Variants in ENOX2 observed in about 807,000 individuals in gnomAD.
The protein encoded by ENOX2 is ecto-NOX disulfide-thiol exchanger 2, also known as APK1 antigen.
In ENOX2, 36 loss-of-function variants were observed where a neutral mutation model predicts 45.0. The observed-to-expected ratio is 0.80, with a 90% confidence interval of 0.61 to 1.06. ENOX2 has a LOEUF of 1.06. ENOX2 is among the 50% of genes least tolerant of loss of function. The pLI is 0.00. For synonymous variants in ENOX2, 174 were observed against 152.3 expected, an observed-to-expected ratio of 1.14 and a Z score of -1.05; for missense variants, 423 against 462.5, an observed-to-expected ratio of 0.91 and a Z score of 0.78.
intron 10 of ENOX2, among the ~76,000 whole-genome samples, chrX:130,649,645 G>T (rs776564455): frequency 2.5e-4 from 28 of 112,024 alleles, no homozygotes; most frequent in African/African-American, 9.1e-4. Context: ...CTTATAAAAA[G>T]ATCTTTGGCA....
chrX:130,880,493 C>A (rs187346493), intron 2 of ENOX2, among the ~76,000 whole-genome samples: 89 of 112,010 alleles, frequency 7.9e-4, no homozygotes, highest in South Asian at 1.9e-3. Flanking sequence ...CATTCCATTT[C>A]TGATCAACTT....
At chrX:130,867,797 T>C (rs1489083713) in intron 2 of ENOX2, among the ~76,000 whole-genome samples, 1 of 111,958 alleles carries the variant, frequency 8.9e-6, no homozygotes, top group Non-Finnish European at 1.9e-5. Flanking sequence ...CCATAGTTTG[T>C]CAGTTGTTCC....
intron 2 of ENOX2, among the ~76,000 whole-genome samples, chrX:130,798,375 G>A (rs749495108): frequency 1.4e-4 from 16 of 112,738 alleles, no homozygotes; most frequent in South Asian, 1.1e-3. Context: ...ATGAGTATTC[G>A]CTGTCCAAAG....
At chrX:130,730,793 A>G (rs1309302881) in intron 3 of ENOX2, among the ~76,000 whole-genome samples, 1 of 111,322 alleles carries the variant, frequency 9.0e-6, no homozygotes, top group Non-Finnish European at 1.9e-5. Flanking sequence ...TCCAGGTCAC[A>G]GGTAGATTTA....
intron 3 of ENOX2, among the ~76,000 whole-genome samples, chrX:130,708,936 A>G (rs1473906195): frequency 8.9e-6 from 1 of 112,458 alleles, no homozygotes; most frequent in Non-Finnish European, 1.9e-5. Context: ...GATAATACAA[A>G]AAATTCCCAA....
chrX:130,750,321 G>A lies in ENOX2; in HGVS notation c.-39+33226C>T, dbSNP rs183769140. ...CTTTGTCTCTTTTGTCTTTCTGTCAGTCTCTGTATGTGTCTCTTTTTGTTT... is the reference window on the plus strand; with the variant it reads ...CTTTGTCTCTTTTGTCTTTCTGTCAATCTCTGTATGTGTCTCTTTTTGTTT... On this transcript the variant is annotated intron_variant, in intron 3 of 14. Coordinates refer to ENST00000394363, the MANE Select transcript of ENOX2 (RefSeq NM_006375.4). Among the ~76,000 whole-genome samples, 66 of 110,170 alleles carry A rather than the reference G, an allele frequency of 6.0e-4. 1 individual carries two copies. Among genetic ancestry groups the A allele is most frequent in the Middle Eastern group, 9.3e-3 (2 of 216 alleles).
In ENOX2 at chrX:130,663,678, G is replaced by A. The variant is rs2036758859; in HGVS notation, c.1014+1965C>T. 4.5e-5 allele frequency among the ~76,000 whole-genome samples: 5 copies of A among 111,464 alleles called. No individual in the cohort carries two copies. The Admixed American group carries it at 4.8e-4, about 11-fold the overall frequency. ...CAGTCAACTTCTTCTAACCCAAAGA[G>A]GAGTTAGAAGTGTACGTGTATCAAA... On this transcript the variant is annotated intron_variant, in intron 9 of 14. Coordinates refer to ENST00000394363, the MANE Select transcript of ENOX2 (RefSeq NM_006375.4).
intron 2 of ENOX2, among the ~76,000 whole-genome samples, chrX:130,831,793 G>A (rs1174606563): frequency 1.8e-5 from 2 of 111,118 alleles, no homozygotes; most frequent in Non-Finnish European, 3.8e-5. Flanking sequence ...TGAGGGCAGC[G>A]ACCTTTGTAT....
At chrX:130,842,570 T>C (rs1487367951) in intron 2 of ENOX2, among the ~76,000 whole-genome samples, 1 of 111,817 alleles carries the variant, frequency 8.9e-6, no homozygotes, top group African/African-American at 3.3e-5. Flanking sequence ...CACAGTATTT[T>C]ACAACAACCC....
At chrX:130,722,004 T>C (rs1223726690) in intron 3 of ENOX2, among the ~76,000 whole-genome samples, 2 of 111,318 alleles carry the variant, frequency 1.8e-5, no homozygotes, top group Admixed American at 9.6e-5. Flanking sequence ...AGTGTAAGAG[T>C]CCATCTTTGG....
At chrX:130,847,279 C>A (rs918511278) in intron 2 of ENOX2, among the ~76,000 whole-genome samples, 7 of 110,449 alleles carry the variant, frequency 6.3e-5, no homozygotes, top group Non-Finnish European at 1.1e-4. Context: ...CTGAGACTGT[C>A]TGTGGTTGTC....
intron 3 of ENOX2, among the ~76,000 whole-genome samples, chrX:130,760,194 GC>G (rs1289319543): frequency 1.8e-5 from 2 of 111,461 alleles, no homozygotes; most frequent in Non-Finnish European, 3.8e-5. Flanking sequence ...AGTTCTAGGA[GC>G]TTTTTTGTTT....
intron 9 of ENOX2, among the ~76,000 whole-genome samples, chrX:130,659,739 C>T (rs774382261): frequency 2.7e-5 from 3 of 112,363 alleles, no homozygotes; most frequent in South Asian, 3.7e-4. Context: ...TCTCAATTCA[C>T]AAACATGTCA....
At position 130,622,898 on chromosome X, in the gene ENOX2, C is replaced by T. The variant is rs1398620495; in HGVS notation, c.*2416G>A. Among the ~76,000 whole-genome samples the T allele has an allele frequency of 1.8e-5, 2 of 110,988 alleles. No homozygotes were observed. The highest frequency in any genetic ancestry group is 1.9e-5 in the Non-Finnish European group (1 of 52,997). On this transcript the variant is annotated 3_prime_UTR_variant, in exon 15 of 15. Transcript: ENST00000394363. ...GCAAGTTAGAGATTTGTAGGGCAGG[C>T]CGGCAGGCTGGAAGTTCTGGCAGGA... is the stretch of plus-strand genomic sequence containing the variant.
intron 6 of ENOX2, among the ~76,000 whole-genome samples, chrX:130,674,062 A>G (rs1023495405): frequency 2.7e-5 from 3 of 112,139 alleles, no homozygotes; most frequent in African/African-American, 9.7e-5. Flanking sequence ...AAAATCAAAT[A>G]CCATGTGTTC....
At chrX:130,900,984 T>A (rs563449209) in intron 2 of ENOX2, among the ~76,000 whole-genome samples, 1 of 112,460 alleles carries the variant, frequency 8.9e-6, no homozygotes, top group East Asian at 2.8e-4. Context: ...CAAAGTGCTA[T>A]CAAGGTCCAA....
At chrX:130,634,429 C>A (rs2035873223) in intron 12 of ENOX2, among the ~76,000 whole-genome samples, 1 of 111,634 alleles carries the variant, frequency 9.0e-6, no homozygotes, top group African/African-American at 3.3e-5. Context: ...GCTGAGAGCT[C>A]TCAATTGATA....
chrX:130,778,075 C>T (rs1279886410), intron 3 of ENOX2, among the ~76,000 whole-genome samples: 1 of 111,642 alleles, frequency 9.0e-6, no homozygotes, highest in Non-Finnish European at 1.9e-5. Flanking sequence ...ACAATCAACG[C>T]TTTCATCTGT....
intron 2 of ENOX2, among the ~76,000 whole-genome samples, chrX:130,836,683 T>C (rs2077933402): frequency 8.9e-6 from 1 of 111,851 alleles, no homozygotes; most frequent in Non-Finnish European, 1.9e-5. Context: ...TAGCTGCCTT[T>C]CCAAAGCTCT....
Sources: gnomAD v4.1 joint callset for allele counts (sites outside exome capture counted in the v4.1 genomes callset) on GRCh38, gnomAD v4.1.1 for gene constraint, MANE v1.5 for transcripts, NCBI Gene and HGNC (gene_info 2026-07-23, HGNC 2026-07-21) for gene names.